CACNA2D3: variants seen among roughly 807,000 people sequenced by gnomAD.
The protein encoded by CACNA2D3 is voltage-dependent calcium channel subunit alpha-2/delta-3.
In CACNA2D3, 60 loss-of-function variants were observed where a neutral mutation model predicts 160.6. That is an observed-to-expected ratio of 0.37 (90% CI 0.30 to 0.46). The LOEUF (loss-of-function observed/expected upper bound fraction) is 0.46. CACNA2D3 is among the 20% of genes least tolerant of loss of function. The pLI is 1.00. For missense variants in CACNA2D3, 1,205 were observed against 1,365.0 expected (o/e 0.88, Z 1.85); for synonymous variants, 558 against 492.9 (o/e 1.13, Z -1.75).
At chr3:54,249,662 TACACACACACACACAC>T (rs10656572) in intron 2 of CACNA2D3, among the ~76,000 whole-genome samples, 3 of 132,846 alleles carry the variant, frequency 2.3e-5, no homozygotes, top group South Asian at 5.2e-4. Flanking sequence ...TCTGTTTACG[TACACACACACACACAC>T]ACACACACAC....
chr3:54,759,524 T>G (rs2107084240), intron 12 of CACNA2D3, among the ~76,000 whole-genome samples: 1 of 151,770 alleles, frequency 6.6e-6, no homozygotes, highest in South Asian at 2.1e-4. Context: ...CTTTAATGAG[T>G]TGGAATCAAA....
At chr3:54,151,988 C>T (rs775933361) in intron 2 of CACNA2D3, among the ~76,000 whole-genome samples, 5 of 152,246 alleles carry the variant, frequency 3.3e-5, no homozygotes, top group African/African-American at 9.6e-5. Flanking sequence ...GCCACCTCTT[C>T]TATGAAGCCT....
chr3:54,927,554 G>GGCTT (rs1393300681), intron 27 of CACNA2D3, among the ~76,000 whole-genome samples: 1 of 152,112 alleles, frequency 6.6e-6, no homozygotes, highest in African/African-American at 2.4e-5. Context: ...ATTAATGAAA[G>GGCTT]GCTTGCCTCT....
At chr3:54,701,636 G>A (rs1700769217) in intron 11 of CACNA2D3, among the ~76,000 whole-genome samples, 3 of 152,084 alleles carry the variant, frequency 2.0e-5, no homozygotes, top group South Asian at 4.2e-4. Context: ...CTCATGGATG[G>A]GAAGAATCAA....
At chr3:54,468,670 G>A (rs886816520) in intron 4 of CACNA2D3, among the ~76,000 whole-genome samples, 1 of 152,178 alleles carries the variant, frequency 6.6e-6, no homozygotes, top group Non-Finnish European at 1.5e-5. Flanking sequence ...GCAAGCTAAG[G>A]TCCACTGGAT....
At chr3:54,856,670 A>G (rs1237017644) in intron 17 of CACNA2D3, among the ~76,000 whole-genome samples, 1 of 152,246 alleles carries the variant, frequency 6.6e-6, no homozygotes, top group Non-Finnish European at 1.5e-5. Flanking sequence ...CACAATTTGG[A>G]TAAGCTCGCC....
chr3:54,859,973 C>CACAA (rs1491432622), intron 17 of CACNA2D3, among the ~76,000 whole-genome samples: 2 of 7,472 alleles, frequency 2.7e-4, no homozygotes, highest in African/African-American at 2.9e-3. Context: ...AAAGTAGATG[C>CACAA]ACACACACAC....
chr3:54,279,144 C>T (rs1052409875), intron 2 of CACNA2D3, among the ~76,000 whole-genome samples: 5 of 152,174 alleles, frequency 3.3e-5, no homozygotes, highest in Non-Finnish European at 5.9e-5. Flanking sequence ...GAGGCTCCAA[C>T]GATGGAGAGA....
intron 4 of CACNA2D3, among the ~76,000 whole-genome samples, chr3:54,392,588 A>T (rs1699300174): frequency 6.6e-6 from 1 of 152,108 alleles, no homozygotes; most frequent in African/African-American, 2.4e-5. Context: ...AGCTGGCAGC[A>T]CACTTCCTCC....
At chr3:54,696,923 GTTGT>G (rs915964781) in intron 11 of CACNA2D3, among the ~76,000 whole-genome samples, 25 of 152,216 alleles carry the variant, frequency 1.6e-4, no homozygotes, top group Admixed American at 1.3e-3. Context: ...TTTTGATCCT[GTTGT>G]TTGTTTACAA....
intron 13 of CACNA2D3, among the ~76,000 whole-genome samples, chr3:54,775,467 T>G (rs1219097116): frequency 1.3e-5 from 2 of 152,112 alleles, no homozygotes; most frequent in African/African-American, 4.8e-5. Context: ...CTCTGAAGCA[T>G]TGTTTTCATC....
At chr3:54,489,832 A>AT (rs201904603) in intron 4 of CACNA2D3, among the ~76,000 whole-genome samples, 14 of 152,084 alleles carry the variant, frequency 9.2e-5, no homozygotes, top group East Asian at 3.9e-4. Context: ...TTCATTACCT[A>AT]TTTTTTTTAA....
At chr3:54,809,307 C>CTTTTTTTTTTTTTTTTTTTTTTTTTT (rs1417063441) in intron 13 of CACNA2D3, among the ~76,000 whole-genome samples, 1 of 86,250 alleles carries the variant, frequency 1.2e-5, no homozygotes. Flanking sequence ...TTCCTTCCTT[C>CTTTTTTTTTTTTTTTTTTTTTTTTTT]TTTCTTTTTT....
chr3:54,835,790 C>T (rs548963605), intron 14 of CACNA2D3, among the ~76,000 whole-genome samples: 2 of 152,310 alleles, frequency 1.3e-5, no homozygotes, highest in South Asian at 2.1e-4. Context: ...GTCAGCAGTG[C>T]CTCCAGCCTT....
In CACNA2D3 at chr3:54,885,546, G is replaced by T. The variant is rs374818350; in HGVS notation, c.2016G>T (p.Ala672=). 6.2e-7 allele frequency: 1 copy of T among 1,613,430 alleles called. No homozygotes were observed. Among genetic ancestry groups the T allele is most frequent in the Non-Finnish European group, 8.5e-7 (1 of 1,179,708 alleles). ...PEHRHLSQLE[A]IKLYLKGKEP... The stretch of plus-strand genomic sequence containing the variant: ...ACCGCCATCTGTCTCAGTTAGAAGC[G>T]ATTAAGCTCTACCTAAAAGGCAAAG... The change falls in exon 23 of 38, where the codon GCG becomes GCT. Residue 672 remains alanine (A), a synonymous_variant. Transcript: ENST00000474759.
chr3:54,463,274 G>T (rs538085052), intron 4 of CACNA2D3, among the ~76,000 whole-genome samples: 2 of 152,174 alleles, frequency 1.3e-5, no homozygotes, highest in South Asian at 4.1e-4. Context: ...TCTTCTCGAG[G>T]AGTATCTTTG....
At chr3:54,466,123 C>T (rs1192405833) in intron 4 of CACNA2D3, among the ~76,000 whole-genome samples, 1 of 152,174 alleles carries the variant, frequency 6.6e-6, no homozygotes, top group Non-Finnish European at 1.5e-5. Context: ...GAATCGGGTT[C>T]ACATCTCCGT....
At chr3:54,584,407 G>T (rs891664116) in intron 9 of CACNA2D3, among the ~76,000 whole-genome samples, 2 of 152,172 alleles carry the variant, frequency 1.3e-5, no homozygotes, top group African/African-American at 4.8e-5. Flanking sequence ...GCTCACTGAT[G>T]AGCTCAATAG....
chr3:54,737,606 AT>A (rs927614634), intron 11 of CACNA2D3, among the ~76,000 whole-genome samples: 4 of 152,098 alleles, frequency 2.6e-5, no homozygotes, highest in African/African-American at 9.7e-5. Context: ...GGGTCAGGAC[AT>A]TTTGACTTTT....
Sources: allele counts gnomAD v4.1 joint callset (sites outside exome capture counted in the v4.1 genomes callset), GRCh38; gene constraint gnomAD v4.1.1; transcripts MANE v1.5; gene names NCBI Gene and HGNC (gene_info 2026-07-23, HGNC 2026-07-21).